Variants in FER observed in about 807,000 individuals in gnomAD.
The protein encoded by FER is tyrosine-protein kinase Fer.
In FER, 63 loss-of-function variants were observed where a neutral mutation model predicts 111.0. That is an observed-to-expected ratio of 0.57 (90% CI 0.46 to 0.70). The LOEUF (loss-of-function observed/expected upper bound fraction) is 0.70. FER is among the 30% of genes least tolerant of loss of function. FER has a pLI of 0.00. For synonymous variants in FER, 327 were observed against 313.9 expected (o/e 1.04, Z -0.44); for missense variants, 914 against 954.0 (o/e 0.96, Z 0.55).
At chr5:109,067,284 G>C (rs1775221700) in intron 16 of FER, among the ~76,000 whole-genome samples, 1 of 151,660 alleles carries the variant, frequency 6.6e-6, no homozygotes, top group African/African-American at 2.4e-5. Flanking sequence ...TGCTGCTGCT[G>C]TTTTTAATTT....
intron 15 of FER, among the ~76,000 whole-genome samples, chr5:109,045,230 TTTC>T (rs893022452): frequency 1.3e-5 from 2 of 151,426 alleles, no homozygotes; most frequent in African/African-American, 2.4e-5. Flanking sequence ...GAACCTCAGA[TTTC>T]TTCTTCAACT....
chr5:108,819,886 A>G, intron 3 of FER: 1 of 984,550 alleles, frequency 1.0e-6, no homozygotes, highest in Non-Finnish European at 1.2e-6. Context: ...AAAAAGATAG[A>G]TAAGGCAGTA....
At chr5:108,953,503 TTTTC>T (rs1439269972) in intron 11 of FER, among the ~76,000 whole-genome samples, 2 of 152,168 alleles carry the variant, frequency 1.3e-5, no homozygotes, top group East Asian at 3.9e-4. Flanking sequence ...TGTTTGGGAC[TTTTC>T]AAGTTTTTTA....
intron 17 of FER, among the ~76,000 whole-genome samples, chr5:109,105,802 T>C (rs1377806272): frequency 6.6e-6 from 1 of 152,240 alleles, no homozygotes; most frequent in Non-Finnish European, 1.5e-5. Flanking sequence ...ACAGTTCTTC[T>C]AAGTGCTTTA....
At chr5:108,757,193 A>T (rs1471143658) in intron 1 of FER, among the ~76,000 whole-genome samples, 1 of 152,134 alleles carries the variant, frequency 6.6e-6, no homozygotes, top group Non-Finnish European at 1.5e-5. Context: ...TTTGGGAGCA[A>T]CTCTAAAGGT....
At chr5:109,052,341 T>A in intron 16 of FER, 1 of 1,596,852 alleles carries the variant, frequency 6.3e-7, no homozygotes, top group Non-Finnish European at 8.6e-7. Flanking sequence ...ACTCAACCAC[T>A]GTCTTCAGCA....
intron 17 of FER, among the ~76,000 whole-genome samples, chr5:109,173,676 C>T (rs1757377754): frequency 6.6e-6 from 1 of 152,040 alleles, no homozygotes; most frequent in African/African-American, 2.4e-5. Flanking sequence ...TCCTCCTAAT[C>T]CCTTAAGACT....
At chr5:109,067,107 C>T (rs1775184958) in intron 16 of FER, among the ~76,000 whole-genome samples, 1 of 152,146 alleles carries the variant, frequency 6.6e-6, no homozygotes, top group African/African-American at 2.4e-5. Context: ...GTGACTGCGG[C>T]TCAGTGAGCC....
chr5:108,887,563 AT>A lies in FER; in HGVS notation c.1046+4050del, dbSNP rs374464170. 6.2e-3 allele frequency among the ~76,000 whole-genome samples: 938 copies of A among 151,818 alleles called. 15 individuals are homozygous for A. The highest frequency in any genetic ancestry group is 0.022 in the African/African-American group (902 of 41,518). ...AAAGAAATAAAACCAACCATTTGAA[AT>A]TTTTATAAAAAAATTTTAATGTATT... On this transcript the variant is annotated intron_variant, in intron 9 of 19. Transcript: ENST00000281092.
Position 108,865,361 on chromosome 5 carries a change from G to A in FER, c.482-2406G>A, listed in dbSNP as rs200759383. Among the ~76,000 whole-genome samples the A allele has an allele frequency of 2.6e-5, 4 of 152,164 alleles. No homozygotes were observed. In the East Asian group the frequency reaches 7.7e-4, roughly 29 times the overall value. On this transcript the variant is annotated intron_variant, in intron 5 of 19. Coordinates refer to ENST00000281092, the MANE Select transcript of FER (RefSeq NM_005246.4). Reference sequence around the variant, plus strand: ...TACCCTCTATTTCCTTCTCCTGCCTGATTGCCCTGGCCAGAACTTCCAACA... The same window carrying A: ...TACCCTCTATTTCCTTCTCCTGCCTAATTGCCCTGGCCAGAACTTCCAACA...
intron 3 of FER, among the ~76,000 whole-genome samples, chr5:108,821,851 A>T (rs980652287): frequency 6.6e-6 from 1 of 152,078 alleles, no homozygotes; most frequent in East Asian, 1.9e-4. Flanking sequence ...ATTTCTTTTC[A>T]TGAGGAGAAC....
At chr5:108,808,084 T>C (rs1473154384) in intron 3 of FER, among the ~76,000 whole-genome samples, 1 of 151,998 alleles carries the variant, frequency 6.6e-6, no homozygotes, top group Non-Finnish European at 1.5e-5. Flanking sequence ...ATGAGAGTAA[T>C]GTGTATTCTG....
chr5:108,949,950 A>G (rs1027080359), intron 11 of FER, among the ~76,000 whole-genome samples: 4 of 152,152 alleles, frequency 2.6e-5, no homozygotes, highest in Non-Finnish European at 2.9e-5. Flanking sequence ...AACTGGGTAA[A>G]AATAATAAAG....
At chr5:108,854,223 T>C in intron 5 of FER, among the ~76,000 whole-genome samples, 2 of 152,226 alleles carry the variant, frequency 1.3e-5, no homozygotes, top group East Asian at 3.8e-4. Flanking sequence ...TAATTTAACA[T>C]TGAACTCACA....
At chr5:108,780,850 G>GT (rs75740995) in intron 2 of FER, among the ~76,000 whole-genome samples, 12,745 of 145,102 alleles carry the variant, frequency 0.088, 674 homozygotes, top group African/African-American at 0.15. Context: ...TTGCTTTGTA[G>GT]TTTTTTTTTT....
intron 2 of FER, chr5:108,785,349 G>A: frequency 1.7e-6 from 1 of 578,484 alleles, no homozygotes; most frequent in South Asian, 1.5e-5. Context: ...TACTGGCTCT[G>A]TGCTGCCATG....
At chr5:108,807,971 C>A (rs1443176748) in intron 3 of FER, among the ~76,000 whole-genome samples, 2 of 150,490 alleles carry the variant, frequency 1.3e-5, no homozygotes, top group Non-Finnish European at 3.0e-5. Flanking sequence ...TCACTGTGGC[C>A]CAAGAGTGTT....
intron 1 of FER, among the ~76,000 whole-genome samples, chr5:108,759,798 T>A (rs1229490516): frequency 6.6e-6 from 1 of 152,194 alleles, no homozygotes; most frequent in Non-Finnish European, 1.5e-5. Flanking sequence ...TGGTTTAGGT[T>A]TAGGTTTGAG....
At chr5:109,006,359 C>G (rs1251146237) in intron 13 of FER, among the ~76,000 whole-genome samples, 2 of 152,118 alleles carry the variant, frequency 1.3e-5, no homozygotes, top group South Asian at 2.1e-4. Flanking sequence ...GAGAGTAAGT[C>G]TCACGAGAGC....
Sources: allele counts gnomAD v4.1 joint callset (sites outside exome capture counted in the v4.1 genomes callset), GRCh38; gene constraint gnomAD v4.1.1; transcripts MANE v1.5; gene names NCBI Gene and HGNC (gene_info 2026-07-23, HGNC 2026-07-21).